The following GABRR2 variants were observed in gnomAD, a reference collection of about 807,000 sequenced individuals.
The protein encoded by GABRR2 is gamma-aminobutyric acid receptor subunit rho-2.
GABRR2 carries 36 observed loss-of-function variants against 47.0 expected under a neutral mutation model. The observed-to-expected ratio is 0.77, with a 90% CI of 0.59 to 1.01. The LOEUF (loss-of-function observed/expected upper bound fraction) is 1.01. Ranked by LOEUF, GABRR2 falls within the 50% of genes least tolerant of loss-of-function variation. The pLI is 0.00. For missense variants in GABRR2, 587 were observed against 594.6 expected (o/e 0.99, Z 0.13); for synonymous variants, 204 against 227.5 (o/e 0.90, Z 0.93).
intron 1 of GABRR2, chr6:89,301,905 C>T: frequency 9.2e-7 from 1 of 1,082,564 alleles, no homozygotes; most frequent in Non-Finnish European, 1.4e-6. Flanking sequence ...GGAACTCGGA[C>T]TTGGAGCTGG....
chr6:89,271,123 G>A (rs1774040300), intron 3 of GABRR2, among the ~76,000 whole-genome samples: 1 of 152,124 alleles, frequency 6.6e-6, no homozygotes, highest in South Asian at 2.1e-4. Flanking sequence ...TGAAAGAGAG[G>A]CATACAGAAG....
rs1562379486 is a variant in GABRR2, at chr6:89,292,751, TATC to T, written c.220+7005_220+7007del. Among the ~76,000 whole-genome samples, 149 of 88,148 alleles carry T rather than the reference TATC, an allele frequency of 1.7e-3. 28 individuals carry two copies. The highest frequency in any genetic ancestry group is 3.9e-3 in the South Asian group (10 of 2,592). 57.8% of individuals were successfully genotyped at this position (88,148 alleles called of 152,430 possible). A position where few individuals can be genotyped will look rare whatever the true frequency, so the allele number is the denominator to read the frequency against. The stretch of plus-strand genomic sequence containing the variant: ...CGTATATATCATATATAATCGTATA[TATC>T]GTATATACGATATATCGTATATATC... On this transcript the variant is annotated intron_variant, in intron 2 of 8. Transcript: ENST00000402938.
rs189427889 is a variant in GABRR2 at position 89,291,348 on chromosome 6, T to A, written c.220+8411A>T. On this transcript the variant is annotated intron_variant, in intron 2 of 8. Coordinates refer to ENST00000402938, the MANE Select transcript of GABRR2 (RefSeq NM_002043.5). ...TGAGCTTCCTAAAGCCCAAGACGCA[T>A]CCTGTTGCTCCTTAGCTTAGGCTGT... Among the ~76,000 whole-genome samples the A allele has an allele frequency of 5.7e-3, 874 of 152,180 alleles. 10 individuals carry two copies. Among genetic ancestry groups the A allele is most frequent in the Non-Finnish European group, 8.7e-3 (592 of 68,002 alleles).
chr6:89,312,749 G>C (rs1452921228), intron 1 of GABRR2, among the ~76,000 whole-genome samples: 1 of 152,264 alleles, frequency 6.6e-6, no homozygotes, highest in Non-Finnish European at 1.5e-5. Context: ...CTGACTGTGT[G>C]TGCATTCTCA....
chr6:89,302,561 C>T, intron 1 of GABRR2: 1 of 975,286 alleles, frequency 1.0e-6, no homozygotes, highest in Non-Finnish European at 1.5e-6. Context: ...CTTCCCCTGC[C>T]TGCACTTCTT....
At chr6:89,270,660 T>A (rs2127834427) in intron 3 of GABRR2, among the ~76,000 whole-genome samples, 1 of 152,292 alleles carries the variant, frequency 6.6e-6, no homozygotes, top group South Asian at 2.1e-4. Flanking sequence ...AGCTCTGCCA[T>A]GCTGGGTCCG....
intron 2 of GABRR2, among the ~76,000 whole-genome samples, chr6:89,284,422 G>C (rs1582452093): frequency 6.6e-6 from 1 of 152,210 alleles, no homozygotes; most frequent in East Asian, 1.9e-4. Flanking sequence ...AACATGTGCA[G>C]ATAATTAAGG....
chr6:89,259,883 C>CTTTTTTTTTTT (rs59831214), intron 8 of GABRR2, among the ~76,000 whole-genome samples: 3 of 67,624 alleles, frequency 4.4e-5, no homozygotes, highest in African/African-American at 1.2e-4. Context: ...CTCTCTCTCT[C>CTTTTTTTTTTT]TTTTTTTTTT....
chr6:89,262,956 C>T (rs959803317), intron 8 of GABRR2, among the ~76,000 whole-genome samples: 2 of 152,212 alleles, frequency 1.3e-5, no homozygotes, highest in African/African-American at 2.4e-5. Context: ...GAATAAGAGT[C>T]TGACTATGAA....
intron 2 of GABRR2, among the ~76,000 whole-genome samples, chr6:89,289,041 GT>G (rs1367100348): frequency 1.3e-5 from 2 of 152,224 alleles, no homozygotes; most frequent in Non-Finnish European, 2.9e-5. Flanking sequence ...CATATACTGA[GT>G]TCAAAACAGC....
intron 2 of GABRR2, among the ~76,000 whole-genome samples, chr6:89,280,253 T>TATATATATAC (rs1242640059): frequency 7.5e-4 from 93 of 124,736 alleles, no homozygotes; most frequent in African/African-American, 2.0e-3. Context: ...TATATATATA[T>TATATATATAC]ACATACATAT....
At chr6:89,263,447 C>G (rs904443906) in intron 8 of GABRR2, among the ~76,000 whole-genome samples, 1 of 152,224 alleles carries the variant, frequency 6.6e-6, no homozygotes, top group African/African-American at 2.4e-5. Context: ...TCAGCCCCCC[C>G]AACCCCTGCC....
chr6:89,299,813 G>A lies in GABRR2; in HGVS notation c.166C>T (p.Gln56Ter). 1 of 1,613,974 alleles carries A rather than the reference G, an allele frequency of 6.2e-7. No individual in the cohort carries two copies. Among genetic ancestry groups the A allele is most frequent in the Non-Finnish European group, 8.5e-7 (1 of 1,179,844 alleles). The change falls in exon 2 of 9, where the codon CAG becomes TAG. Residue 56 changes from glutamine (Q) to a stop codon, truncating the protein, a stop_gained. Coordinates refer to ENST00000402938, the MANE Select transcript of GABRR2 (RefSeq NM_002043.5). LOFTEE classifies it high-confidence loss of function. ...DVTKIRKGKPQQLLRVDEHDF... is the reference protein window; with the variant it reads ...DVTKIRKGKP Reference sequence around the variant, plus strand: ...TGCTCGTCCACTCTGAGAAGCTGCTGAGGCTTTCCCTTCCGGATCTTGGTC... The same window carrying A: ...TGCTCGTCCACTCTGAGAAGCTGCTAAGGCTTTCCCTTCCGGATCTTGGTC...
At chr6:89,261,953 A>G (rs1313520634) in intron 8 of GABRR2, among the ~76,000 whole-genome samples, 1 of 151,846 alleles carries the variant, frequency 6.6e-6, no homozygotes, top group African/African-American at 2.4e-5. Context: ...GTGGGAGGAC[A>G]GCATGAGCCC....
In GABRR2 at chr6:89,292,811, ACGATATATCGTATATATC is replaced by A. The variant is rs1562379915; in HGVS notation, c.220+6930_220+6947del. On this transcript the variant is annotated intron_variant, in intron 2 of 8. Coordinates refer to ENST00000402938, the MANE Select transcript of GABRR2 (RefSeq NM_002043.5). ...ACGATATATCGTATATATCGTATAT[ACGATATATCGTATATATC>A]GTATATACGATATATCGTATATATC... Among the ~76,000 whole-genome samples, 167 of 13,802 alleles carry A rather than the reference ACGATATATCGTATATATC, an allele frequency of 0.012. 28 individuals are homozygous for A. The East Asian group carries it at 0.27, about 22-fold the overall frequency. 9.1% of individuals were successfully genotyped at this position (13,802 alleles called of 152,430 possible). A position where few individuals can be genotyped will look rare whatever the true frequency, so the allele number is the denominator to read the frequency against.
chr6:89,287,559 C>T (rs1175206701), intron 2 of GABRR2, among the ~76,000 whole-genome samples: 2 of 152,254 alleles, frequency 1.3e-5, no homozygotes, highest in African/African-American at 2.4e-5. Flanking sequence ...ATCGCCGCCT[C>T]GCACACACTG....
At chr6:89,314,265 G>A (rs1265748262) in intron 1 of GABRR2, among the ~76,000 whole-genome samples, 1 of 152,180 alleles carries the variant, frequency 6.6e-6, no homozygotes, top group Admixed American at 6.5e-5. Flanking sequence ...GAAAATAAAT[G>A]TGTAACATGC....
At chr6:89,260,927 A>C (rs1449006292) in intron 8 of GABRR2, among the ~76,000 whole-genome samples, 1 of 152,242 alleles carries the variant, frequency 6.6e-6, no homozygotes, top group Non-Finnish European at 1.5e-5. Flanking sequence ...TCTGCTCTCC[A>C]GCAACTATGC....
At position 89,271,707 on chromosome 6, in the gene GABRR2, AC is replaced by A; in HGVS notation, c.235del (p.Val79TrpfsTer22). The A allele has an allele frequency of 6.2e-7, 1 of 1,612,438 alleles. No homozygotes were observed. The highest frequency in any genetic ancestry group is 8.5e-7 in the Non-Finnish European group (1 of 1,179,272). The part of the protein sequence containing the change: ...RPAFGGPAIP[V>X]GVDVQVESLD... Reference sequence around the variant, plus strand: ...GCTCTCCACCTGTACGTCCACGCCCACCGGGATGGCAGGGCCTGCAGAAGAG... The same window carrying A: ...GCTCTCCACCTGTACGTCCACGCCCACGGGATGGCAGGGCCTGCAGAAGAG... On this transcript the variant is annotated frameshift_variant, in exon 3 of 9. Transcript: ENST00000402938. LOFTEE classifies it high-confidence loss of function.
Sources: allele counts gnomAD v4.1 joint callset (sites outside exome capture counted in the v4.1 genomes callset), GRCh38; gene constraint gnomAD v4.1.1; transcripts MANE v1.5; gene names NCBI Gene and HGNC (gene_info 2026-07-23, HGNC 2026-07-21).